The following CNTNAP3B variants were observed in gnomAD, a reference collection of about 807,000 sequenced individuals.
CNTNAP3B encodes the protein contactin-associated protein-like 3B.
In CNTNAP3B, 25 loss-of-function variants were observed where a neutral mutation model predicts 108.9. That is an observed-to-expected ratio of 0.23 (90% confidence interval 0.17 to 0.32). CNTNAP3B has a LOEUF of 0.32. Among genes scored for constraint, CNTNAP3B ranks in the 10% least tolerant of loss-of-function variants. CNTNAP3B has a pLI of 1.00. For synonymous variants in CNTNAP3B, 103 were observed against 473.4 expected (o/e 0.22, Z 10.16); for missense variants, 252 against 1,210.4 (o/e 0.21, Z 11.75).
intron 13 of CNTNAP3B, among the ~76,000 whole-genome samples, chr9:41,941,879 C>T (rs1824356149): frequency 6.6e-6 from 1 of 151,896 alleles, no homozygotes; most frequent in South Asian, 2.1e-4. Context: ...CCAGGAAGAG[C>T]CCCATCAAGT....
At chr9:41,922,517 A>G (rs1167073511) in intron 17 of CNTNAP3B, among the ~76,000 whole-genome samples, 160 bp downstream of exon 17, 2 of 146,002 alleles carry the variant, frequency 1.4e-5, no homozygotes, top group African/African-American at 5.2e-5. Context: ...TCACATAAGA[A>G]GCACACAGCA....
At chr9:41,918,842 T>A (rs2117928323) in intron 18 of CNTNAP3B, among the ~76,000 whole-genome samples, 1 of 146,158 alleles carries the variant, frequency 6.8e-6, no homozygotes, top group South Asian at 2.2e-4. Context: ...ATGAGATTTG[T>A]GAGCACAGAG....
chr9:41,961,755 C>T (rs1825098715), intron 11 of CNTNAP3B, among the ~76,000 whole-genome samples: 1 of 152,296 alleles, frequency 6.6e-6, no homozygotes, highest in South Asian at 2.1e-4. Flanking sequence ...AAATTCAAAA[C>T]AGGAGAGAAA....
chr9:41,951,409 C>A (rs1824675505), intron 13 of CNTNAP3B, among the ~76,000 whole-genome samples: 1 of 106,722 alleles, frequency 9.4e-6, no homozygotes. Context: ...ACACTTCATT[C>A]AACAGCAATG....
intron 3 of CNTNAP3B, among the ~76,000 whole-genome samples, chr9:42,061,420 C>A (rs1206414685): frequency 7.5e-6 from 1 of 134,016 alleles, no homozygotes; most frequent in African/African-American, 3.0e-5. Flanking sequence ...TGGGCTCAAG[C>A]AATTCCCCTA....
At chr9:42,076,266 A>C (rs1827486431) in intron 3 of CNTNAP3B, among the ~76,000 whole-genome samples, 1 of 120,618 alleles carries the variant, frequency 8.3e-6, no homozygotes, top group Non-Finnish European at 1.7e-5. Flanking sequence ...AATACAAAAA[A>C]AAAAAAAAAA....
chr9:41,956,283 G>T (rs1824855505), intron 12 of CNTNAP3B, among the ~76,000 whole-genome samples: 1 of 151,572 alleles, frequency 6.6e-6, no homozygotes, highest in African/African-American at 2.4e-5. Flanking sequence ...CTACCGGGGA[G>T]GCCGAGGCAG....
At chr9:41,954,684 TTAAC>T (rs1824801493) in intron 12 of CNTNAP3B, among the ~76,000 whole-genome samples, 1 of 152,260 alleles carries the variant, frequency 6.6e-6, no homozygotes, top group Non-Finnish European at 1.5e-5. Flanking sequence ...GATTTTTTAT[TTAAC>T]TTATTTATTT....
chr9:41,934,931 T>C (rs1440301645), intron 14 of CNTNAP3B, among the ~76,000 whole-genome samples: 2 of 152,300 alleles, frequency 1.3e-5, no homozygotes, highest in Non-Finnish European at 2.9e-5. Flanking sequence ...CACACAAAAG[T>C]CCTATTTAAA....
Position 42,079,654 on chromosome 9 carries a change from C to T in CNTNAP3B, c.197-2592G>A, listed in dbSNP as rs537998777. On this transcript the variant is annotated intron_variant, in intron 2 of 23. Coordinates refer to ENST00000377561, the MANE Select transcript of CNTNAP3B (RefSeq NM_001201380.3). ...CTCCTGCCTCAGCCACCCAAGTAGC[C>T]GGGATTACAGGTACATGCCACCACG... Among the ~76,000 whole-genome samples, 973 of 135,434 alleles carry T rather than the reference C, an allele frequency of 7.2e-3. 36 individuals are homozygous for T. The highest frequency in any genetic ancestry group is 0.018 in the Middle Eastern group (5 of 280). 88.8% of individuals were successfully genotyped at this position (135,434 alleles called of 152,430 possible). A position where few individuals can be genotyped will look rare whatever the true frequency, so the allele number is the denominator to read the frequency against.
chr9:41,929,160 C>A (rs1334719378), intron 15 of CNTNAP3B, among the ~76,000 whole-genome samples, 157 bp downstream of exon 15: 3 of 150,498 alleles, frequency 2.0e-5, no homozygotes, highest in African/African-American at 7.4e-5. Flanking sequence ...ATCTTCAGTA[C>A]TGACTGTGCC....
intron 3 of CNTNAP3B, among the ~76,000 whole-genome samples, chr9:42,018,425 C>T (rs1432982141): frequency 7.2e-6 from 1 of 139,250 alleles, no homozygotes; most frequent in Non-Finnish European, 1.5e-5. Context: ...GAAGGTGACT[C>T]ATGGAAACCT....
chr9:41,918,817 A>G (rs1303024346), intron 18 of CNTNAP3B, among the ~76,000 whole-genome samples: 1 of 146,476 alleles, frequency 6.8e-6, no homozygotes, highest in Non-Finnish European at 1.5e-5. Flanking sequence ...AGAGCTCTGT[A>G]TTTGCACCAG....
chr9:41,960,239 C>T lies in CNTNAP3B; in HGVS notation c.1876+534G>A, dbSNP rs1825035519. 2.4e-5 allele frequency: 4 copies of T among 166,060 alleles called. No individual in the cohort carries two copies. In the South Asian group the frequency reaches 6.0e-4, roughly 25 times the overall value. 10.3% of individuals were successfully genotyped at this position (166,060 alleles called of 1,614,324 possible). ...GGTCTCGATCTCTCGATCTCGTGAT[C>T]TGCCCGCCTTGGCCTCCCAAAGTGC... On this transcript the variant is annotated intron_variant, in intron 12 of 23. Coordinates refer to ENST00000377561, the MANE Select transcript of CNTNAP3B (RefSeq NM_001201380.3).
chr9:42,078,399 G>C (rs1010188908), intron 2 of CNTNAP3B, among the ~76,000 whole-genome samples: 2 of 138,178 alleles, frequency 1.4e-5, no homozygotes, highest in African/African-American at 2.9e-5. Context: ...GTGAATCTTT[G>C]TTCAAAAATA....
rs1443843822 is a variant in CNTNAP3B, at chr9:41,972,668, G to A, written c.1478-2423C>T. ...CATTTAACACCATATTTGTTTAAAAGTTTGAAGACTAAAATCTTTTATATT... is the reference window on the plus strand; with the variant it reads ...CATTTAACACCATATTTGTTTAAAAATTTGAAGACTAAAATCTTTTATATT... On this transcript the variant is annotated intron_variant, in intron 9 of 23. Transcript: ENST00000377561. Among the ~76,000 whole-genome samples the A allele has an allele frequency of 2.2e-5, 3 of 135,472 alleles. No individual in the cohort carries two copies. In the South Asian group the frequency reaches 7.2e-4, roughly 32 times the overall value. 88.9% of individuals were successfully genotyped at this position (135,472 alleles called of 152,430 possible).
chr9:42,097,048 G>T lies in CNTNAP3B; in HGVS notation c.196+7581C>A, dbSNP rs1449720261. 1.4e-5 allele frequency among the ~76,000 whole-genome samples: 2 copies of T among 138,674 alleles called. 1 individual carries two copies. Among genetic ancestry groups the T allele is most frequent in the Non-Finnish European group, 3.1e-5 (2 of 64,792 alleles). 91.0% of individuals were successfully genotyped at this position (138,674 alleles called of 152,430 possible). On this transcript the variant is annotated intron_variant, in intron 2 of 23. Transcript: ENST00000377561. The stretch of plus-strand genomic sequence containing the variant: ...ATTACAGGCGTGAACCACTGTGCCC[G>T]GTCCCGCACAGAAGTTTTTGATGTT...
chr9:41,931,744 ATT>A (rs1242244014), intron 14 of CNTNAP3B, among the ~76,000 whole-genome samples: 2 of 149,108 alleles, frequency 1.3e-5, no homozygotes, highest in African/African-American at 5.0e-5. Context: ...GGTCTAGGAA[ATT>A]TTTTATTAAT....
chr9:42,054,650 C>A (rs1827023820), intron 3 of CNTNAP3B, among the ~76,000 whole-genome samples: 1 of 151,616 alleles, frequency 6.6e-6, no homozygotes, highest in Non-Finnish European at 1.5e-5. Flanking sequence ...GAATAAGTAT[C>A]ATTCATTCAA....
Sources: allele counts gnomAD v4.1 joint callset (sites outside exome capture counted in the v4.1 genomes callset), GRCh38; gene constraint gnomAD v4.1.1; transcripts MANE v1.5; gene names NCBI Gene and HGNC (gene_info 2026-07-23, HGNC 2026-07-21).